The following CDK14 variants were observed in gnomAD, a reference collection of about 807,000 sequenced individuals.
CDK14 encodes the protein cyclin-dependent kinase 14.
In CDK14, 34 loss-of-function variants were observed where a neutral mutation model predicts 60.7. The ratio of observed to expected loss-of-function variants is 0.56; its 90% CI spans 0.43 to 0.75. CDK14 has a LOEUF of 0.75. CDK14 is among the 30% of genes least tolerant of loss of function. CDK14 has a pLI of 0.00. For synonymous variants in CDK14, 197 were observed against 203.7 expected (o/e 0.97, Z 0.28); for missense variants, 482 against 564.1 (o/e 0.85, Z 1.47).
intron 2 of CDK14, among the ~76,000 whole-genome samples, chr7:90,660,376 T>C (rs1345224764): frequency 6.6e-6 from 1 of 152,236 alleles, no homozygotes; most frequent in Non-Finnish European, 1.5e-5. Flanking sequence ...ACTTAATTTC[T>C]CTCAGCCCCA....
At chr7:90,627,828 C>A (rs186829856) in intron 2 of CDK14, among the ~76,000 whole-genome samples, 93 of 152,314 alleles carry the variant, frequency 6.1e-4, no homozygotes, top group Admixed American at 3.4e-3. Flanking sequence ...GGACAAGACT[C>A]AGCATTTAGC....
chr7:90,832,318 TAGA>T (rs1789941035), intron 5 of CDK14, among the ~76,000 whole-genome samples: 2 of 152,088 alleles, frequency 1.3e-5, no homozygotes, highest in Middle Eastern at 3.4e-3. Flanking sequence ...TCTGTAGGAG[TAGA>T]AGGACTAATC....
intron 2 of CDK14, among the ~76,000 whole-genome samples, chr7:90,640,605 G>C (rs574912216): frequency 7.9e-5 from 12 of 152,098 alleles, no homozygotes; most frequent in African/African-American, 2.9e-4. Context: ...ATGGATTATG[G>C]TGGGAATAAA....
intron 12 of CDK14, among the ~76,000 whole-genome samples, chr7:91,101,935 G>A (rs1799156713): frequency 6.6e-6 from 1 of 152,184 alleles, no homozygotes; most frequent in South Asian, 2.1e-4. Context: ...TGATAAGAGG[G>A]GGTTACATGA....
At chr7:90,668,431 A>G (rs1167184035) in intron 2 of CDK14, among the ~76,000 whole-genome samples, 1 of 152,194 alleles carries the variant, frequency 6.6e-6, no homozygotes, top group Non-Finnish European at 1.5e-5. Context: ...TATCAGATAA[A>G]TGAGTTGCAA....
chr7:91,192,344 G>A lies in CDK14; in HGVS notation c.*29-14821G>A, dbSNP rs182895290. 1.9e-3 allele frequency among the ~76,000 whole-genome samples: 290 copies of A among 152,282 alleles called. 3 individuals are homozygous for A. Among genetic ancestry groups the A allele is most frequent in the African/African-American group, 6.6e-3 (273 of 41,568 alleles). Reference sequence around the variant, plus strand: ...ATCAGAAAAACACTCATGGATAAGGGAAACAAATCTTTGTCCAGAAAGTAG... The same window carrying A: ...ATCAGAAAAACACTCATGGATAAGGAAAACAAATCTTTGTCCAGAAAGTAG... On this transcript the variant is annotated intron_variant, in intron 14 of 14. Transcript: ENST00000380050.
At chr7:91,071,519 C>T (rs929997461) in intron 11 of CDK14, among the ~76,000 whole-genome samples, 4 of 152,234 alleles carry the variant, frequency 2.6e-5, no homozygotes, top group Non-Finnish European at 4.4e-5. Context: ...TTCCACGGAA[C>T]TGTGCAACCC....
intron 2 of CDK14, among the ~76,000 whole-genome samples, chr7:90,606,986 A>AT (rs1250942583): frequency 6.6e-6 from 1 of 151,980 alleles, no homozygotes; most frequent in Non-Finnish European, 1.5e-5. Context: ...TAAGATTACA[A>AT]TTTTTTTTCA....
intron 12 of CDK14, among the ~76,000 whole-genome samples, chr7:91,090,666 A>G (rs1055007294): frequency 2.0e-5 from 3 of 152,156 alleles, no homozygotes; most frequent in African/African-American, 7.2e-5. Flanking sequence ...TCTTTATTAT[A>G]TAGCTATAGG....
intron 12 of CDK14, among the ~76,000 whole-genome samples, chr7:91,091,275 T>C (rs1441461822): frequency 6.9e-6 from 1 of 145,562 alleles, no homozygotes; most frequent in East Asian, 2.0e-4. Context: ...TTTATTTATA[T>C]AAATATATAT....
At chr7:90,949,481 C>T (rs1184290405) in intron 8 of CDK14, among the ~76,000 whole-genome samples, 3 of 151,874 alleles carry the variant, frequency 2.0e-5, no homozygotes, top group African/African-American at 7.3e-5. Context: ...GGATTACAGG[C>T]ATGAGCCACT....
At chr7:90,666,455 A>T (rs1800981624) in intron 2 of CDK14, 1 of 152,210 alleles carries the variant, frequency 6.6e-6, no homozygotes, top group Non-Finnish European at 1.5e-5. Context: ...TTCCCGAATG[A>T]GACATACTAT....
At chr7:90,930,342 A>G (rs761202569) in intron 8 of CDK14, among the ~76,000 whole-genome samples, 9 of 152,148 alleles carry the variant, frequency 5.9e-5, no homozygotes, top group Non-Finnish European at 1.2e-4. Context: ...TGTATCCTTC[A>G]TTACAGTAAA....
intron 2 of CDK14, among the ~76,000 whole-genome samples, chr7:90,653,783 A>T (rs1284312280): frequency 4.6e-5 from 7 of 152,078 alleles, no homozygotes; most frequent in Non-Finnish European, 1.0e-4. Flanking sequence ...CTCGTCATTT[A>T]CATTAGGTAT....
chr7:90,784,958 T>C (rs915413280), intron 4 of CDK14, among the ~76,000 whole-genome samples: 19 of 152,364 alleles, frequency 1.2e-4, no homozygotes, highest in Non-Finnish European at 2.6e-4. Flanking sequence ...GCCAAAAATC[T>C]GTAAATTCTT....
At chr7:90,819,060 G>A (rs3824039) in intron 5 of CDK14, among the ~76,000 whole-genome samples, 66,102 of 151,794 alleles carry the variant, frequency 0.44, 15,195 homozygotes, top group East Asian at 0.82. Context: ...GCTTCATGAA[G>A]CATCTAGGCA....
At chr7:90,833,527 A>G (rs1385960242) in intron 5 of CDK14, among the ~76,000 whole-genome samples, 1 of 152,196 alleles carries the variant, frequency 6.6e-6, no homozygotes. Context: ...TCAAAAATGA[A>G]AATGAGAACA....
intron 14 of CDK14, among the ~76,000 whole-genome samples, chr7:91,184,903 G>T (rs978411535): frequency 6.6e-6 from 1 of 151,774 alleles, no homozygotes; most frequent in Non-Finnish European, 1.5e-5. Flanking sequence ...GTCGGTCATG[G>T]GTGAGGTGAA....
At chr7:90,635,721 G>C (rs1193217615) in intron 2 of CDK14, among the ~76,000 whole-genome samples, 1 of 152,018 alleles carries the variant, frequency 6.6e-6, no homozygotes, top group Non-Finnish European at 1.5e-5. Flanking sequence ...AAATTACCTT[G>C]GGCAGTATGG....
Sources: allele counts gnomAD v4.1 joint callset (sites outside exome capture counted in the v4.1 genomes callset), GRCh38; gene constraint gnomAD v4.1.1; transcripts MANE v1.5; gene names NCBI Gene and HGNC (gene_info 2026-07-23, HGNC 2026-07-21).